Variants in ZNF407 observed in about 807,000 individuals in gnomAD.
ZNF407 encodes the protein zinc finger protein 407.
Under a neutral mutation model 131.2 loss-of-function variants are expected in ZNF407, and 17 were observed. The observed-to-expected ratio is 0.13, with a 90% CI of 0.09 to 0.19. The LOEUF is 0.19. Ranked by LOEUF, ZNF407 falls within the 10% of genes least tolerant of loss-of-function variation. The pLI, the probability that ZNF407 is intolerant of heterozygous loss-of-function variation, is 1.00. For missense variants in ZNF407, 2,681 were observed against 2,830.6 expected (o/e 0.95, Z 1.20); for synonymous variants, 1,156 against 1,062.0 (o/e 1.09, Z -1.72).
intron 1 of ZNF407, among the ~76,000 whole-genome samples, chr18:74,609,284 G>A (rs1033536330): frequency 6.6e-6 from 1 of 152,118 alleles, no homozygotes; most frequent in African/African-American, 2.4e-5. Flanking sequence ...CTTGAGAAAT[G>A]CCTCTAGGTG....
chr18:74,670,045 T>C (rs1986081715), intron 3 of ZNF407, among the ~76,000 whole-genome samples: 1 of 152,228 alleles, frequency 6.6e-6, no homozygotes, highest in Non-Finnish European at 1.5e-5. Context: ...TTCTCTGTAG[T>C]CTGACATGTA....
intron 3 of ZNF407, among the ~76,000 whole-genome samples, chr18:74,669,302 C>A (rs928361541): frequency 2.0e-4 from 30 of 152,204 alleles, no homozygotes; most frequent in Non-Finnish European, 3.4e-4. Flanking sequence ...TCCCATGGGG[C>A]CTTCCCTGCA....
chr18:75,061,678 C>G (rs1342546631), intron 8 of ZNF407: 2 of 152,640 alleles, frequency 1.3e-5, no homozygotes, highest in African/African-American at 4.8e-5. Context: ...CACTGCCCAC[C>G]CAAGCCCTGT....
chr18:74,654,318 T>G (rs926429767), intron 3 of ZNF407, among the ~76,000 whole-genome samples: 1 of 151,822 alleles, frequency 6.6e-6, no homozygotes, highest in African/African-American at 2.4e-5. Flanking sequence ...GGCATTTAAG[T>G]AGAATTATTA....
At chr18:74,694,945 T>C (rs1967316237) in intron 3 of ZNF407, among the ~76,000 whole-genome samples, 1 of 152,190 alleles carries the variant, frequency 6.6e-6, no homozygotes, top group Non-Finnish European at 1.5e-5. Context: ...CTAAATAATA[T>C]ATGACACTGA....
At chr18:74,764,635 T>C (rs1969187104) in intron 3 of ZNF407, among the ~76,000 whole-genome samples, 1 of 152,202 alleles carries the variant, frequency 6.6e-6, no homozygotes, top group Admixed American at 6.5e-5. Flanking sequence ...CTAAAGTATA[T>C]GGGAGGATGT....
chr18:74,622,821 TGTGA>T (rs1383190595), intron 1 of ZNF407, among the ~76,000 whole-genome samples: 4 of 47,306 alleles, frequency 8.5e-5, no homozygotes, highest in East Asian at 1.2e-3. Flanking sequence ...TATGTCTGAA[TGTGA>T]GTACGTGTGA....
intron 8 of ZNF407, among the ~76,000 whole-genome samples, chr18:74,980,187 A>G (rs903911734): frequency 6.6e-6 from 1 of 152,184 alleles, no homozygotes; most frequent in Admixed American, 6.5e-5. Flanking sequence ...AATCCTTTGT[A>G]AACGATGACA....
intron 8 of ZNF407, among the ~76,000 whole-genome samples, chr18:75,005,348 C>A (rs1187450232): frequency 6.6e-6 from 1 of 151,466 alleles, no homozygotes; most frequent in Non-Finnish European, 1.5e-5. Flanking sequence ...CCTTTTTTTT[C>A]TCTAGAGCTA....
rs2122303485 is a variant in ZNF407 at position 75,064,782 on chromosome 18, A to G, written c.*314A>G. 3.6e-6 allele frequency: 1 copy of G among 278,642 alleles called. No homozygotes were observed. The highest frequency in any genetic ancestry group is 2.2e-5 in the African/African-American group (1 of 46,238). The allele number at this position is 278,642 out of a possible 1,614,324, so 17.3% of individuals were successfully genotyped here. ...CGCTTCGTCCTGGCCGCTGTGCTGA[A>G]GAGAAGCCAAGTGTTGTTGGTGTTT... is the stretch of plus-strand genomic sequence containing the variant. On this transcript the variant is annotated 3_prime_UTR_variant, in exon 9 of 9. Coordinates refer to ENST00000299687, the MANE Select transcript of ZNF407 (RefSeq NM_017757.3).
intron 3 of ZNF407, among the ~76,000 whole-genome samples, chr18:74,772,755 A>G (rs1375541086): frequency 3.3e-5 from 5 of 152,112 alleles, no homozygotes; most frequent in African/African-American, 1.2e-4. Flanking sequence ...CTGAGGCATG[A>G]CCTGAACATA....
chr18:74,759,913 C>G (rs1413844170), intron 3 of ZNF407, among the ~76,000 whole-genome samples: 3 of 150,668 alleles, frequency 2.0e-5, no homozygotes, highest in African/African-American at 7.3e-5. Context: ...TTTTTTCCCC[C>G]AGTATATAGG....
intron 8 of ZNF407, among the ~76,000 whole-genome samples, chr18:74,949,576 A>C (rs1446596848): frequency 6.6e-6 from 1 of 152,224 alleles, no homozygotes; most frequent in African/African-American, 2.4e-5. Context: ...TGTTAGTAAA[A>C]TATCAGTACT....
chr18:74,727,829 A>G (rs553497983), intron 3 of ZNF407, among the ~76,000 whole-genome samples: 16 of 152,308 alleles, frequency 1.1e-4, no homozygotes, highest in African/African-American at 3.6e-4. Context: ...GAAATCATTG[A>G]GCGTTTTGCA....
chr18:74,912,199 A>T (rs565472908), intron 7 of ZNF407, among the ~76,000 whole-genome samples: 1 of 152,310 alleles, frequency 6.6e-6, no homozygotes, highest in South Asian at 2.1e-4. Flanking sequence ...ATTAACACAT[A>T]TTAATAAATA....
intron 3 of ZNF407, among the ~76,000 whole-genome samples, chr18:74,704,744 C>T (rs939159796): frequency 1.3e-5 from 2 of 152,138 alleles, no homozygotes; most frequent in Admixed American, 6.6e-5. Context: ...TGTTTTCTTG[C>T]ATTAGAAACA....
In ZNF407 at chr18:75,064,039, G is replaced by C; in HGVS notation, c.6318G>C (p.Val2106=). The change falls in exon 9 of 9, where the codon GTG becomes GTC. Residue 2106 remains valine, a synonymous_variant. Coordinates refer to ENST00000299687, the MANE Select transcript of ZNF407 (RefSeq NM_017757.3). The part of the protein sequence containing the change: ...QLVKDGVTQV[V]VSEEGAVHMV... ...TCAAGGACGGTGTCACCCAGGTGGT[G>C]GTGAGCGAAGAGGGTGCCGTCCACA... 1 of 1,600,052 alleles carries C rather than the reference G, an allele frequency of 6.2e-7. No homozygotes were observed. The highest frequency in any genetic ancestry group is 2.3e-5 in the East Asian group (1 of 43,986).
At chr18:74,652,083 G>A (rs75901159) in intron 3 of ZNF407, among the ~76,000 whole-genome samples, 1 of 152,080 alleles carries the variant, frequency 6.6e-6, no homozygotes, top group Non-Finnish European at 1.5e-5. Context: ...ATCAAGTAGA[G>A]CAGCTTTTCC....
At chr18:75,053,408 C>T (rs1323410968) in intron 8 of ZNF407, among the ~76,000 whole-genome samples, 3 of 152,328 alleles carry the variant, frequency 2.0e-5, no homozygotes, top group East Asian at 1.9e-4. Context: ...AGGGAAACCA[C>T]GGATACTGCC....
Sources: allele counts gnomAD v4.1 joint callset (sites outside exome capture counted in the v4.1 genomes callset), GRCh38; gene constraint gnomAD v4.1.1; transcripts MANE v1.5; gene names NCBI Gene and HGNC (gene_info 2026-07-23, HGNC 2026-07-21).